Variants in SHANK2 observed in about 807,000 individuals in gnomAD.
SHANK2 encodes SH3 and multiple ankyrin repeat domains protein 2.
In SHANK2, 43 loss-of-function variants were observed where a neutral mutation model predicts 133.7. That is an observed-to-expected ratio of 0.32 (90% CI 0.25 to 0.41). SHANK2 has a LOEUF of 0.41. SHANK2 is among the 10% of genes least tolerant of loss of function. The pLI is 1.00. For missense variants in SHANK2, 1,994 were observed against 2,235.8 expected, an observed-to-expected ratio of 0.89 and a Z score of 2.18; for synonymous variants, 1,017 against 952.8, an observed-to-expected ratio of 1.07 and a Z score of -1.24.
In SHANK2 at chr11:71,163,393, G is replaced by C. The variant is rs375709467; in HGVS notation, c.-12-16055C>G. Among the ~76,000 whole-genome samples, 29 of 152,252 alleles carry C rather than the reference G, an allele frequency of 1.9e-4. No homozygotes were observed. In the East Asian group the frequency reaches 4.1e-3, roughly 21 times the overall value. On this transcript the variant is annotated intron_variant, in intron 2 of 25. Coordinates refer to ENST00000601538, the MANE Select transcript of SHANK2 (RefSeq NM_012309.5). ...TTGATAAATCAAATCTATTCATTTT[G>C]GAAGCTGGACAGATGTGCTTGTGGG...
chr11:70,908,293 G>A (rs1950138263), intron 10 of SHANK2, among the ~76,000 whole-genome samples: 2 of 152,120 alleles, frequency 1.3e-5, no homozygotes, highest in African/African-American at 4.8e-5. Flanking sequence ...ACGCAGGATG[G>A]CCTCACATGG....
intron 4 of SHANK2, among the ~76,000 whole-genome samples, 173 bp from the exon 5 acceptor site, chr11:71,113,537 A>G (rs572658426): frequency 6.6e-6 from 1 of 152,352 alleles, no homozygotes; most frequent in East Asian, 1.9e-4. Context: ...CAACATCCTC[A>G]GCATCACTTT....
intron 17 of SHANK2, among the ~76,000 whole-genome samples, chr11:70,642,770 G>A (rs1555006830): frequency 6.6e-6 from 1 of 152,210 alleles, no homozygotes; most frequent in Non-Finnish European, 1.5e-5. Flanking sequence ...CCATGCGACT[G>A]AGAATAACGC....
At chr11:70,583,457 C>T (rs781961820) in intron 17 of SHANK2, among the ~76,000 whole-genome samples, 1 of 152,210 alleles carries the variant, frequency 6.6e-6, no homozygotes, top group Admixed American at 6.5e-5. Flanking sequence ...CCTGTGCCTA[C>T]AGCACAGCAA....
At chr11:71,146,787 G>A (rs1555106763) in intron 3 of SHANK2, among the ~76,000 whole-genome samples, 1 of 152,172 alleles carries the variant, frequency 6.6e-6, no homozygotes, top group Non-Finnish European at 1.5e-5. Context: ...CTGCCGCCCG[G>A]GTTTTCTCTA....
intron 9 of SHANK2, among the ~76,000 whole-genome samples, chr11:71,065,917 GAGTGGGGAAGTTGGTGGGGGCGGGGTA>G: frequency 8.1e-6 from 1 of 123,332 alleles, no homozygotes; most frequent in East Asian, 2.8e-4. Context: ...GATGAGCGGT[GAGTGGGGAAGTTGGTGGGGGCGGGGTA>G]CAGAAGTCTC....
At chr11:71,163,699 T>C (rs543318301) in intron 2 of SHANK2, among the ~76,000 whole-genome samples, 1 of 152,346 alleles carries the variant, frequency 6.6e-6, no homozygotes, top group Middle Eastern at 3.4e-3. Context: ...AAAGATAGTT[T>C]GCTTGTGCAA....
intron 3 of SHANK2, among the ~76,000 whole-genome samples, chr11:71,139,103 A>G (rs1430073560): frequency 6.6e-6 from 1 of 152,074 alleles, no homozygotes; most frequent in Non-Finnish European, 1.5e-5. Flanking sequence ...GTGCTTTATA[A>G]ATGGAAGCAC....
intron 17 of SHANK2, among the ~76,000 whole-genome samples, chr11:70,540,349 G>A (rs797035700): frequency 2.0e-4 from 29 of 144,994 alleles, no homozygotes; most frequent in African/African-American, 6.8e-4. Context: ...AGGGGACGGC[G>A]TCTGAGAAAC....
chr11:70,841,366 T>A (rs1555061638), intron 11 of SHANK2, among the ~76,000 whole-genome samples: 1 of 152,198 alleles, frequency 6.6e-6, no homozygotes, highest in African/African-American at 2.4e-5. Context: ...GCTCACGGCT[T>A]CCATCTCTCC....
chr11:71,181,551 C>T (rs1243002218), intron 2 of SHANK2, among the ~76,000 whole-genome samples: 1 of 152,132 alleles, frequency 6.6e-6, no homozygotes, highest in Non-Finnish European at 1.5e-5. Flanking sequence ...AGAATCTCAT[C>T]TTGACAACCC....
intron 17 of SHANK2, among the ~76,000 whole-genome samples, chr11:70,576,470 T>TA (rs35490144): frequency 0.028 from 4,232 of 152,000 alleles, 148 homozygotes; most frequent in African/African-American, 0.076. Context: ...CTGTCTCTAC[T>TA]AAAAACAATA....
chr11:70,775,590 C>T (rs765552940), intron 14 of SHANK2, among the ~76,000 whole-genome samples: 7 of 152,208 alleles, frequency 4.6e-5, no homozygotes, highest in Admixed American at 6.5e-5. Flanking sequence ...ATCCACCACT[C>T]GCGGCCATGT....
intron 17 of SHANK2, among the ~76,000 whole-genome samples, chr11:70,551,266 G>A (rs980391382): frequency 2.0e-5 from 3 of 152,176 alleles, no homozygotes; most frequent in Admixed American, 6.5e-5. Context: ...CTTTCCCGAG[G>A]CCTTGAGACG....
At chr11:70,680,511 CCT>C (rs1321235798) in intron 15 of SHANK2, among the ~76,000 whole-genome samples, 3 of 152,180 alleles carry the variant, frequency 2.0e-5, no homozygotes, top group Non-Finnish European at 2.9e-5. Context: ...CCACTCTCTG[CCT>C]CTGACCCCCT....
intron 21 of SHANK2, among the ~76,000 whole-genome samples, chr11:70,499,582 C>G (rs187148922): frequency 1.3e-5 from 2 of 152,340 alleles, no homozygotes; most frequent in South Asian, 4.1e-4. Context: ...GGGCCATTCC[C>G]GTGAGCTGGG....
chr11:71,242,514 G>A (rs1954908340), intron 1 of SHANK2, among the ~76,000 whole-genome samples: 1 of 152,098 alleles, frequency 6.6e-6, no homozygotes, highest in Admixed American at 6.5e-5. Flanking sequence ...CTCAAGGACC[G>A]CTACCTCAAT....
rs782174822 is a variant in SHANK2, at chr11:70,599,929, A to AAG, written c.2061+59897_2061+59898dup. ...AGAGAAAGAAAGAAAGAAAGAAAGAAAGAAAGAAAGAAAGAAAGAAAGAAA... is the reference window on the plus strand; with the variant it reads ...AGAGAAAGAAAGAAAGAAAGAAAGAAAGAGAAAGAAAGAAAGAAAGAAAGAAA... On this transcript the variant is annotated intron_variant, in intron 17 of 25. Transcript: ENST00000601538. 1.1e-3 allele frequency among the ~76,000 whole-genome samples: 128 copies of AAG among 121,796 alleles called. 2 individuals carry two copies. The highest frequency in any genetic ancestry group is 5.0e-3 in the African/African-American group (120 of 23,800). The allele number at this position is 121,796 out of a possible 152,430, so 79.9% of individuals were successfully genotyped here.
At chr11:70,640,924 T>C (rs1438644821) in intron 17 of SHANK2, among the ~76,000 whole-genome samples, 1 of 152,164 alleles carries the variant, frequency 6.6e-6, no homozygotes, top group African/African-American at 2.4e-5. Flanking sequence ...CCTGGGGACT[T>C]AGAGGGATGC....
Sources: gnomAD v4.1 joint callset for allele counts (sites outside exome capture counted in the v4.1 genomes callset) on GRCh38, gnomAD v4.1.1 for gene constraint, MANE v1.5 for transcripts, NCBI Gene and HGNC (gene_info 2026-07-23, HGNC 2026-07-21) for gene names.